SHTN1: variants seen among roughly 807,000 people sequenced by gnomAD.
The protein encoded by SHTN1 is shootin 1, also known as shootin-1.
In SHTN1, 42 loss-of-function variants were observed where a neutral mutation model predicts 83.1. The observed-to-expected ratio is 0.51, with a 90% confidence interval of 0.39 to 0.65. SHTN1 has a LOEUF of 0.65. Ranked by LOEUF, SHTN1 falls within the 30% of genes least tolerant of loss-of-function variation. SHTN1 has a pLI of 0.00. For missense variants in SHTN1, 622 were observed against 737.8 expected, an observed-to-expected ratio of 0.84 and a Z score of 1.82; for synonymous variants, 224 against 247.7, an observed-to-expected ratio of 0.90 and a Z score of 0.90.
intron 2 of SHTN1, among the ~76,000 whole-genome samples, chr10:117,029,743 G>T (rs867309839): frequency 6.6e-6 from 1 of 152,166 alleles, no homozygotes; most frequent in Non-Finnish European, 1.5e-5. Flanking sequence ...TGCCATGATT[G>T]CAAGTTTCCT....
At chr10:116,910,943 T>G (rs908769105) in intron 14 of SHTN1, among the ~76,000 whole-genome samples, 1 of 152,214 alleles carries the variant, frequency 6.6e-6, no homozygotes, top group African/African-American at 2.4e-5. Flanking sequence ...ACATGCTTGA[T>G]GAAAATAATC....
chr10:117,079,976 ATTTTGTAGG>A (rs1853234915), intron 1 of SHTN1, among the ~76,000 whole-genome samples: 2 of 88,078 alleles, frequency 2.3e-5, no homozygotes, highest in African/African-American at 4.3e-5. Flanking sequence ...ATTTTCTCCC[ATTTTGTAGG>A]TTGCCTGTTC....
intron 16 of SHTN1, among the ~76,000 whole-genome samples, chr10:116,890,834 C>T (rs563129833): frequency 2.4e-4 from 36 of 152,334 alleles, no homozygotes; most frequent in African/African-American, 7.9e-4. Flanking sequence ...GCCATGCCAA[C>T]GCTGAACTTT....
intron 1 of SHTN1, among the ~76,000 whole-genome samples, chr10:117,107,132 T>TA (rs1294494022): frequency 6.6e-6 from 1 of 152,202 alleles, no homozygotes; most frequent in African/African-American, 2.4e-5. Context: ...ATTGAGCATT[T>TA]ACTATATGCC....
At chr10:117,086,818 A>G (rs1252500943) in intron 1 of SHTN1, among the ~76,000 whole-genome samples, 24 of 152,242 alleles carry the variant, frequency 1.6e-4, no homozygotes, top group Non-Finnish European at 1.5e-5. Context: ...TCACAGGAGC[A>G]TTATTTATGT....
intron 1 of SHTN1, among the ~76,000 whole-genome samples, chr10:117,077,947 C>T (rs1225650465): frequency 6.6e-6 from 1 of 152,182 alleles, no homozygotes; most frequent in African/African-American, 2.4e-5. Flanking sequence ...GACGCAGCAG[C>T]AAACCACCCG....
At chr10:117,007,655 G>T (rs1189119578), upstream of SHTN1, among the ~76,000 whole-genome samples, 1 of 151,208 alleles carries the variant, frequency 6.6e-6, no homozygotes, top group Admixed American at 6.6e-5. Context: ...GTCCTTATTG[G>T]GATTCAGTTC....
At position 116,883,928 on chromosome 10, in the gene SHTN1, A is replaced by G. The variant is rs1195989824; in HGVS notation, c.*2416T>C. On this transcript the variant is annotated 3_prime_UTR_variant, in exon 17 of 17. Coordinates refer to ENST00000355371, the MANE Select transcript of SHTN1 (RefSeq NM_001127211.3). Reference sequence around the variant, plus strand: ...AAATCTTATTCTTCCAGAAAAAAAAAGAGACATTTTCTTTTTCTTTAATAG... The same window carrying G: ...AAATCTTATTCTTCCAGAAAAAAAAGGAGACATTTTCTTTTTCTTTAATAG... The G allele has an allele frequency of 1.0e-5, 2 of 193,220 alleles. No homozygotes were observed. Among genetic ancestry groups the G allele is most frequent in the Non-Finnish European group, 2.2e-5 (2 of 91,230 alleles). 12.0% of individuals were successfully genotyped at this position (193,220 alleles called of 1,614,324 possible).
chr10:117,104,775 A>AAAC (rs777622954), intron 1 of SHTN1, among the ~76,000 whole-genome samples: 2 of 152,156 alleles, frequency 1.3e-5, no homozygotes, highest in African/African-American at 4.8e-5. Context: ...CTCCGTCTCA[A>AAAC]AACAACAACA....
intron 1 of SHTN1, among the ~76,000 whole-genome samples, chr10:117,083,944 T>G (rs1187796115): frequency 6.6e-6 from 1 of 151,666 alleles, no homozygotes; most frequent in Non-Finnish European, 1.5e-5. Context: ...TTATACATTC[T>G]TCTAAATTTT....
intron 1 of SHTN1, among the ~76,000 whole-genome samples, chr10:117,088,926 C>G (rs977219835): frequency 6.6e-6 from 1 of 152,190 alleles, no homozygotes; most frequent in Non-Finnish European, 1.5e-5. Flanking sequence ...TCCTAACAGA[C>G]CATGAACGTG....
chr10:116,946,771 G>T (rs950367496), intron 7 of SHTN1, among the ~76,000 whole-genome samples: 1 of 151,136 alleles, frequency 6.6e-6, no homozygotes, highest in African/African-American at 2.4e-5. Context: ...AGGCTGGAAG[G>T]CAGTGGTGCA....
chr10:116,949,899 T>C (rs1849714918), intron 6 of SHTN1, among the ~76,000 whole-genome samples: 1 of 152,110 alleles, frequency 6.6e-6, no homozygotes, highest in Non-Finnish European at 1.5e-5. Flanking sequence ...AAGCTACATA[T>C]ATCAAGGTAG....
chr10:117,102,201 G>T (rs972768308), intron 1 of SHTN1, among the ~76,000 whole-genome samples: 1 of 152,118 alleles, frequency 6.6e-6, no homozygotes, highest in African/African-American at 2.4e-5. Context: ...AGCACCTGGT[G>T]TGACAGAGGA....
intron 1 of SHTN1, among the ~76,000 whole-genome samples, chr10:117,003,002 T>C (rs967352732): frequency 2.6e-5 from 4 of 152,106 alleles, no homozygotes; most frequent in African/African-American, 7.2e-5. Flanking sequence ...AAACCCAACA[T>C]AGGAATGGAG....
chr10:116,927,759 T>G (rs912540459), intron 11 of SHTN1, 33 bp downstream of exon 11: 4 of 1,483,784 alleles, frequency 2.7e-6, no homozygotes, highest in Non-Finnish European at 3.6e-6. Flanking sequence ...AGAAGAACAT[T>G]TGATGCAGAG....
At chr10:117,068,633 T>C (rs1367575432) in intron 1 of SHTN1, among the ~76,000 whole-genome samples, 1 of 151,764 alleles carries the variant, frequency 6.6e-6, no homozygotes, top group African/African-American at 2.4e-5. Flanking sequence ...AAAAGAGTCA[T>C]CAATTTCTTG....
At chr10:116,918,313 A>T (rs1168066843) in intron 12 of SHTN1, among the ~76,000 whole-genome samples, 2 of 151,650 alleles carry the variant, frequency 1.3e-5, no homozygotes, top group Non-Finnish European at 2.9e-5. Flanking sequence ...CTTGAAAAAT[A>T]AGTTAGTTCC....
At chr10:117,026,403 A>G (rs1477794732) in intron 2 of SHTN1, among the ~76,000 whole-genome samples, 1 of 147,652 alleles carries the variant, frequency 6.8e-6, no homozygotes, top group Non-Finnish European at 1.5e-5. Context: ...CCACAGTACA[A>G]TAGAAATCCA....
Sources: allele counts gnomAD v4.1 joint callset (sites outside exome capture counted in the v4.1 genomes callset), GRCh38; gene constraint gnomAD v4.1.1; transcripts MANE v1.5; gene names NCBI Gene and HGNC (gene_info 2026-07-23, HGNC 2026-07-21).